SLC38A8: variants seen among roughly 807,000 people sequenced by gnomAD.
SLC38A8 encodes the protein solute carrier family 38 member 8.
In SLC38A8, 65 loss-of-function variants were observed where a neutral mutation model predicts 46.0. The observed-to-expected ratio is 1.41, with a 90% CI of 1.16 to 1.74. The LOEUF (loss-of-function observed/expected upper bound fraction) is 1.74, where lower values mean the gene tolerates loss of function less well. SLC38A8 is among the 40% of genes most tolerant of loss of function. SLC38A8 has a pLI of 0.00. For missense variants in SLC38A8, 998 were observed against 567.9 expected, an observed-to-expected ratio of 1.76 and a Z score of -7.70; for synonymous variants, 447 against 243.7, an observed-to-expected ratio of 1.83 and a Z score of -7.77.
intron 9 of SLC38A8, among the ~76,000 whole-genome samples, chr16:84,015,898 C>CGACCTCCT (rs1266078005): frequency 6.6e-6 from 1 of 152,164 alleles, no homozygotes; most frequent in African/African-American, 2.4e-5. Context: ...AGGCTGGTCT[C>CGACCTCCT]GACCTCCTGA....
chr16:84,016,933 G>A (rs568558098), intron 8 of SLC38A8, among the ~76,000 whole-genome samples: 1 of 152,204 alleles, frequency 6.6e-6, no homozygotes, highest in Non-Finnish European at 1.5e-5. Context: ...TGAAGCACGT[G>A]GTTCGCATTC....
intron 7 of SLC38A8, among the ~76,000 whole-genome samples, chr16:84,019,414 G>A (rs112610946): frequency 3.9e-5 from 6 of 152,086 alleles, no homozygotes; most frequent in Non-Finnish European, 5.9e-5. Flanking sequence ...TACCAATTTG[G>A]CATACTGGCA....
chr16:84,020,870 C>G lies in SLC38A8; in HGVS notation c.805+1905G>C, dbSNP rs553833082. On this transcript the variant is annotated intron_variant, in intron 7 of 10. Transcript: ENST00000299709. ...CCACAACCTTGGTTTCCTATACGCG[C>G]TGCACTCTATACGGCCAGGCTGAAA... Among the ~76,000 whole-genome samples the G allele has an allele frequency of 2.0e-5, 3 of 152,324 alleles. No individual in the cohort carries two copies. In the South Asian group the frequency reaches 6.2e-4, roughly 32 times the overall value.
chr16:84,042,189 C>G, intron 1 of SLC38A8, 30 bp from the exon 2 acceptor site: 2 of 1,581,240 alleles, frequency 1.3e-6, no homozygotes, highest in Non-Finnish European at 1.7e-6. Context: ...GGAGAGAAAG[C>G]ACAGTCTTCA....
chr16:84,020,844 G>A (rs930109215), intron 7 of SLC38A8, among the ~76,000 whole-genome samples: 3 of 152,146 alleles, frequency 2.0e-5, no homozygotes, highest in African/African-American at 7.2e-5. Context: ...AGGCCACAGG[G>A]CCACAACCTT....
chr16:84,024,503 G>C (rs1351446650), intron 6 of SLC38A8, among the ~76,000 whole-genome samples: 2 of 152,088 alleles, frequency 1.3e-5, no homozygotes. Flanking sequence ...AAACGCAGGA[G>C]GGAGCGGTGG....
chr16:84,033,419 C>T lies in SLC38A8; in HGVS notation c.439G>A (p.Ala147Thr), dbSNP rs372136243. The T allele has an allele frequency of 1.2e-5, 20 of 1,612,688 alleles. No individual in the cohort carries two copies. Among genetic ancestry groups the T allele is most frequent in the South Asian group, 5.5e-5 (5 of 90,944 alleles). ...GTPPAPQPWY[A>T]DQRFTLPLLS... is the part of the protein sequence containing the mutation. ...AGGGGCAGGGTGAAGCGCTGGTCTG[C>T]GTACCACGGCTGCGGGGCGGGCGGG... The change falls in exon 4 of 11, where the codon GCA becomes ACA. Residue 147 changes from alanine (A) to threonine (T), a missense_variant. Coordinates refer to ENST00000299709, the MANE Select transcript of SLC38A8 (RefSeq NM_001080442.3).
intron 3 of SLC38A8, 49 bp downstream of exon 3, chr16:84,036,653 T>C: frequency 6.2e-7 from 1 of 1,604,498 alleles, no homozygotes; most frequent in Non-Finnish European, 8.5e-7. Flanking sequence ...CAAGAGGTCA[T>C]TAGAGGTCCG....
At chr16:84,043,054 C>G (rs1340412515), upstream of SLC38A8, among the ~76,000 whole-genome samples, 1 of 152,170 alleles carries the variant, frequency 6.6e-6, no homozygotes, top group Non-Finnish European at 1.5e-5. Context: ...GCCCAGCCTC[C>G]TCCTCTGCAG....
chr16:84,039,895 A>C (rs1252583417), intron 2 of SLC38A8: 1 of 152,198 alleles, frequency 6.6e-6, no homozygotes, highest in African/African-American at 2.4e-5. Flanking sequence ...GCCATGCCAG[A>C]CCCAGCCCCT....
chr16:84,024,460 C>T (rs1307143953), intron 6 of SLC38A8, among the ~76,000 whole-genome samples: 3 of 151,880 alleles, frequency 2.0e-5, no homozygotes, highest in South Asian at 4.2e-4. Context: ...ATTACAAGTA[C>T]GAGCCACCAT....
intron 6 of SLC38A8, 50 bp downstream of exon 6, chr16:84,029,444 C>G: frequency 1.3e-6 from 2 of 1,596,098 alleles, no homozygotes; most frequent in Non-Finnish European, 1.7e-6. Flanking sequence ...CAGAGAGTCA[C>G]CCACAGCCTC....
chr16:84,017,249 C>G lies in SLC38A8; in HGVS notation c.844G>C (p.Ala282Pro). The G allele has an allele frequency of 6.2e-7, 1 of 1,614,110 alleles. No homozygotes were observed. Among genetic ancestry groups the G allele is most frequent in the Non-Finnish European group, 8.5e-7 (1 of 1,180,034 alleles). The change falls in exon 8 of 11, where the codon GCT becomes CCT. Residue 282 changes from alanine to proline, a missense_variant. By Grantham distance (27) the Ala-to-Pro change is conservative. Transcript: ENST00000299709. ...GFLTFGTEVS[A>P]DVLMSYPGND... ...CCTGGGTAGGACATCAAGACGTCAG[C>G]AGAAACTTCTGTCCCAAAAGTCAGG...
At chr16:84,038,909 C>T (rs547189782) in intron 2 of SLC38A8, among the ~76,000 whole-genome samples, 2 of 152,358 alleles carry the variant, frequency 1.3e-5, no homozygotes, top group East Asian at 3.9e-4. Context: ...GGTGGTCGAG[C>T]ATTCCACATC....
At chr16:84,038,381 C>A (rs945505881) in intron 2 of SLC38A8, among the ~76,000 whole-genome samples, 1 of 152,106 alleles carries the variant, frequency 6.6e-6, no homozygotes, top group South Asian at 2.1e-4. Flanking sequence ...TGGGCAGCCA[C>A]CCGACTCCCC....
chr16:84,010,567 C>T (rs921259491), intron 10 of SLC38A8, among the ~76,000 whole-genome samples: 1 of 151,976 alleles, frequency 6.6e-6, no homozygotes, highest in African/African-American at 2.4e-5. Flanking sequence ...CATGGTGAAA[C>T]CCCATCTCTA....
At chr16:84,014,503 C>T (rs896154194) in intron 9 of SLC38A8, among the ~76,000 whole-genome samples, 2 of 151,876 alleles carry the variant, frequency 1.3e-5, no homozygotes, top group Non-Finnish European at 2.9e-5. Context: ...CCTGTGAAAG[C>T]GCCACCCTAA....
chr16:84,012,815 G>A (rs2084969794), intron 10 of SLC38A8, among the ~76,000 whole-genome samples, 186 bp downstream of exon 10: 1 of 152,212 alleles, frequency 6.6e-6, no homozygotes, highest in Admixed American at 6.5e-5. Context: ...GGTGTTACTG[G>A]CCCGGGCTCC....
intron 4 of SLC38A8, among the ~76,000 whole-genome samples, chr16:84,032,930 G>A (rs1030304100): frequency 2.8e-5 from 3 of 106,566 alleles, no homozygotes; most frequent in South Asian, 2.6e-4. Flanking sequence ...GTGTGGGTAC[G>A]TGGGTGTGCA....
Sources: gnomAD v4.1 joint callset for allele counts (sites outside exome capture counted in the v4.1 genomes callset) on GRCh38, gnomAD v4.1.1 for gene constraint, MANE v1.5 for transcripts, NCBI Gene and HGNC (gene_info 2026-07-23, HGNC 2026-07-21) for gene names.